Variants in PTPRD observed in about 807,000 individuals in gnomAD.
PTPRD encodes the protein protein tyrosine phosphatase receptor type D, also known as receptor-type tyrosine-protein phosphatase delta.
Under a neutral mutation model 214.5 loss-of-function variants are expected in PTPRD, and 34 were observed. That is an observed-to-expected ratio of 0.16 (90% CI 0.12 to 0.21). The LOEUF is 0.21. Ranked by LOEUF, PTPRD falls within the 10% of genes least tolerant of loss-of-function variation. The pLI, the probability that PTPRD is intolerant of heterozygous loss-of-function variation, is 1.00. For missense variants in PTPRD, 2,545 were observed against 2,398.7 expected (o/e 1.06, Z -1.27); for synonymous variants, 1,128 against 845.7 (o/e 1.33, Z -5.79).
At chr9:8,362,198 A>G (rs191769329) in intron 39 of PTPRD, among the ~76,000 whole-genome samples, 1 of 152,382 alleles carries the variant, frequency 6.6e-6, no homozygotes, top group Non-Finnish European at 1.5e-5. Context: ...AAACACAACA[A>G]CAAAGGCATA....
chr9:9,193,996 A>G (rs1432227750), intron 9 of PTPRD, among the ~76,000 whole-genome samples: 1 of 152,174 alleles, frequency 6.6e-6, no homozygotes, highest in Non-Finnish European at 1.5e-5. Context: ...GCTGTACAAA[A>G]ATATTTTATT....
intron 8 of PTPRD, among the ~76,000 whole-genome samples, chr9:9,520,160 G>C (rs115679767): frequency 2.5e-3 from 347 of 140,962 alleles, no homozygotes; most frequent in African/African-American, 8.2e-3. Context: ...TTATGACAGG[G>C]TTTCTGTTGA....
At chr9:8,875,577 A>G (rs1386359686) in intron 11 of PTPRD, among the ~76,000 whole-genome samples, 3 of 152,106 alleles carry the variant, frequency 2.0e-5, no homozygotes, top group Non-Finnish European at 4.4e-5. Context: ...TAAACATCTC[A>G]ATGAGTATTT....
At chr9:10,164,159 C>T (rs1192329344) in intron 3 of PTPRD, among the ~76,000 whole-genome samples, 1 of 151,310 alleles carries the variant, frequency 6.6e-6, no homozygotes, top group Admixed American at 6.6e-5. Context: ...ATTTAATAAC[C>T]TTGAGGGATT....
chr9:10,550,310 T>C (rs764852770), intron 2 of PTPRD, among the ~76,000 whole-genome samples: 6 of 152,240 alleles, frequency 3.9e-5, no homozygotes, highest in Admixed American at 6.5e-5. Flanking sequence ...AGAGGATACA[T>C]GTACAGGTTT....
chr9:10,086,387 T>G (rs2098338345), intron 3 of PTPRD, among the ~76,000 whole-genome samples: 1 of 151,666 alleles, frequency 6.6e-6, no homozygotes. Flanking sequence ...CCACTGTGAT[T>G]GCTACTGAAG....
intron 3 of PTPRD, among the ~76,000 whole-genome samples, chr9:10,038,069 T>A (rs929478730): frequency 5.3e-5 from 8 of 152,162 alleles, no homozygotes; most frequent in Non-Finnish European, 8.8e-5. Flanking sequence ...CTTGAATTTA[T>A]TTTATCTGTC....
chr9:9,299,337 A>T (rs1041419775), intron 9 of PTPRD, among the ~76,000 whole-genome samples: 1 of 151,720 alleles, frequency 6.6e-6, no homozygotes, highest in Admixed American at 6.6e-5. Context: ...CTGGTAACAT[A>T]TTTAATGATT....
chr9:9,307,759 A>T (rs972180077), intron 9 of PTPRD, among the ~76,000 whole-genome samples: 1 of 152,216 alleles, frequency 6.6e-6, no homozygotes, highest in African/African-American at 2.4e-5. Flanking sequence ...CAAAATCCTT[A>T]GCTTAACACA....
intron 8 of PTPRD, among the ~76,000 whole-genome samples, chr9:9,478,939 G>T (rs1302276121): frequency 2.0e-5 from 3 of 152,116 alleles, no homozygotes; most frequent in Non-Finnish European, 4.4e-5. Context: ...CTCTTGGTTT[G>T]TCATAGTAAA....
intron 7 of PTPRD, among the ~76,000 whole-genome samples, chr9:9,721,650 G>C (rs868398993): frequency 2.5e-4 from 38 of 152,086 alleles, no homozygotes; most frequent in African/African-American, 9.2e-4. Context: ...TCTGACTTTA[G>C]TATTCTGGAT....
At chr9:10,479,748 G>C (rs962661645) in intron 2 of PTPRD, among the ~76,000 whole-genome samples, 8 of 151,982 alleles carry the variant, frequency 5.3e-5, no homozygotes, top group African/African-American at 1.7e-4. Context: ...CTTGAGCCCA[G>C]GGTTCCAGGC....
intron 9 of PTPRD, among the ~76,000 whole-genome samples, chr9:9,320,152 C>A (rs1158945497): frequency 2.0e-5 from 3 of 152,018 alleles, no homozygotes; most frequent in South Asian, 2.1e-4. Context: ...TTTGTAATGT[C>A]AAAAATGTTT....
chr9:9,586,681 T>A (rs2154320551), intron 7 of PTPRD, among the ~76,000 whole-genome samples: 1 of 152,108 alleles, frequency 6.6e-6, no homozygotes, highest in East Asian at 1.9e-4. Flanking sequence ...CTAAATAGGT[T>A]GGACATTGAT....
At chr9:10,304,969 G>C (rs541682291) in intron 3 of PTPRD, among the ~76,000 whole-genome samples, 20 of 152,212 alleles carry the variant, frequency 1.3e-4, no homozygotes, top group Non-Finnish European at 2.9e-4. Context: ...TAAGCAAAGA[G>C]AACAAAGCTG....
At chr9:8,668,424 CCA>C (rs1439780997) in intron 12 of PTPRD, among the ~76,000 whole-genome samples, 2 of 152,198 alleles carry the variant, frequency 1.3e-5, no homozygotes, top group African/African-American at 2.4e-5. Flanking sequence ...CATATGTTCA[CCA>C]CAGTTTTCCA....
intron 10 of PTPRD, among the ~76,000 whole-genome samples, chr9:9,041,579 T>C (rs10739183): frequency 0.15 from 22,215 of 152,228 alleles, 2,046 homozygotes; most frequent in East Asian, 0.42. Flanking sequence ...TAAGAATTCC[T>C]TTTCTTAGTT....
At chr9:10,423,901 T>C (rs144528039) in intron 2 of PTPRD, among the ~76,000 whole-genome samples, 1 of 152,020 alleles carries the variant, frequency 6.6e-6, no homozygotes, top group Admixed American at 6.6e-5. Flanking sequence ...CTGTATTTTT[T>C]CCCTTTTCTT....
Position 8,733,653 on chromosome 9 carries a change from G to A in PTPRD, c.64+127C>T, listed in dbSNP as rs577221963. The stretch of plus-strand genomic sequence containing the variant: ...TCAAAGGCTGGCTGGTAGCCAAGGA[G>A]GATCCCGCAGTGTCTCAGGATTTAC... On this transcript the variant is annotated intron_variant, in intron 12 of 45. Transcript: ENST00000381196. 5.6e-5 allele frequency: 53 copies of A among 938,278 alleles called. 2 individuals carry two copies. The South Asian group carries it at 7.9e-4, about 14-fold the overall frequency. The allele number at this position is 938,278 out of a possible 1,614,324, so 58.1% of individuals were successfully genotyped here. A position where few individuals can be genotyped will look rare whatever the true frequency, so the allele number is the denominator to read the frequency against.
Sources: gnomAD v4.1 joint callset for allele counts (sites outside exome capture counted in the v4.1 genomes callset) on GRCh38, gnomAD v4.1.1 for gene constraint, MANE v1.5 for transcripts, NCBI Gene and HGNC (gene_info 2026-07-23, HGNC 2026-07-21) for gene names.